The following CLDN16 variants were observed in gnomAD, a reference collection of about 807,000 sequenced individuals.
CLDN16 encodes the protein claudin-16.
Under a neutral mutation model 24.6 loss-of-function variants are expected in CLDN16, and 13 were observed. The ratio of observed to expected loss-of-function variants is 0.53; its 90% CI spans 0.34 to 0.84. CLDN16 has a LOEUF of 0.84. Ranked by LOEUF, CLDN16 falls within the 40% of genes least tolerant of loss-of-function variation. CLDN16 has a pLI of 0.01. For synonymous variants in CLDN16, 116 were observed against 106.7 expected, an observed-to-expected ratio of 1.09 and a Z score of -0.54; for missense variants, 298 against 292.7, an observed-to-expected ratio of 1.02 and a Z score of -0.13.
chr3:190,405,453 TA>T, intron 3 of CLDN16, among the ~76,000 whole-genome samples: 1 of 117,888 alleles, frequency 8.5e-6, no homozygotes, highest in Non-Finnish European at 1.8e-5. Context: ...AAAAAGGAAA[TA>T]AAGAAAAAAA....
At chr3:190,383,808 G>A (rs1289275998), upstream of CLDN16, among the ~76,000 whole-genome samples, 2 of 152,054 alleles carry the variant, frequency 1.3e-5, no homozygotes, top group African/African-American at 4.8e-5. Flanking sequence ...ACATACATGT[G>A]TGTACACACA....
intron 3 of CLDN16, among the ~76,000 whole-genome samples, chr3:190,408,004 T>C (rs1719148979): frequency 6.6e-6 from 1 of 152,226 alleles, no homozygotes; most frequent in Non-Finnish European, 1.5e-5. Context: ...AATACTAACA[T>C]GGCATTGGAA....
At chr3:190,384,010 G>A (rs1398893786), upstream of CLDN16, among the ~76,000 whole-genome samples, 1 of 152,092 alleles carries the variant, frequency 6.6e-6, no homozygotes, top group Non-Finnish European at 1.5e-5. Context: ...CAAGAAGGCA[G>A]CCTCAGAAAT....
At chr3:190,333,534 CTATCTATCTAT>C (rs1717228205) in intron 1 of CLDN16, among the ~76,000 whole-genome samples, 14 of 16,496 alleles carry the variant, frequency 8.5e-4, no homozygotes, top group African/African-American at 2.7e-3. Flanking sequence ...AGTCTATCAT[CTATCTATCTAT>C]CTATCTATCT....
chr3:190,379,030 T>G (rs115125153), intron 3 of CLDN16, among the ~76,000 whole-genome samples: 1,744 of 152,214 alleles, frequency 0.011, 30 homozygotes, highest in African/African-American at 0.04. Context: ...CTTCAAAAAC[T>G]GGGCTATAGA....
chr3:190,409,405 A>G (rs1449776366), intron 4 of CLDN16, among the ~76,000 whole-genome samples: 1 of 151,892 alleles, frequency 6.6e-6, no homozygotes, highest in East Asian at 1.9e-4. Flanking sequence ...ATATGTAGAT[A>G]TACATATAAT....
chr3:190,410,393 G>C lies in CLDN16; in HGVS notation c.*357G>C, dbSNP rs1483222776. The C allele has an allele frequency of 1.1e-5, 2 of 188,568 alleles. No individual in the cohort carries two copies. The highest frequency in any genetic ancestry group is 2.2e-5 in the Non-Finnish European group (2 of 90,690). 11.7% of individuals were successfully genotyped at this position (188,568 alleles called of 1,614,324 possible). A position where few individuals can be genotyped will look rare whatever the true frequency, so the allele number is the denominator to read the frequency against. ...CAGAAAGCAATTTCCAAAGAGGCCAGGGACCCTAATCTTTGAAGAGATGAA... is the reference window on the plus strand; with the variant it reads ...CAGAAAGCAATTTCCAAAGAGGCCACGGACCCTAATCTTTGAAGAGATGAA... On this transcript the variant is annotated 3_prime_UTR_variant, in exon 5 of 5. Transcript: ENST00000264734.
chr3:190,368,345 G>A lies in CLDN16; in HGVS notation n.122-2548G>A, dbSNP rs9809656. On this transcript the variant is annotated intron_variant and non_coding_transcript_variant, in intron 1 of 4. Transcript: ENST00000468220. ...ACAGAGGTCCGCCAACAATGATGGAGTAGAATCAATTCTTTCCCCCATTGT... is the reference window on the plus strand; with the variant it reads ...ACAGAGGTCCGCCAACAATGATGGAATAGAATCAATTCTTTCCCCCATTGT... 2.7e-3 allele frequency among the ~76,000 whole-genome samples: 410 copies of A among 152,050 alleles called. 3 individuals are homozygous for A. Among genetic ancestry groups the A allele is most frequent in the African/African-American group, 9.7e-3 (402 of 41,510 alleles).
At chr3:190,355,755 G>A (rs1386252846) in intron 1 of CLDN16, among the ~76,000 whole-genome samples, 1 of 151,732 alleles carries the variant, frequency 6.6e-6, no homozygotes, top group Non-Finnish European at 1.5e-5. Context: ...TATGCACATA[G>A]CCAATGCCAG....
At chr3:190,360,284 T>A (rs1012219511) in intron 1 of CLDN16, among the ~76,000 whole-genome samples, 6 of 151,948 alleles carry the variant, frequency 3.9e-5, no homozygotes, top group Non-Finnish European at 8.8e-5. Context: ...TCAGCCCCAG[T>A]CCTTCTTTTA....
upstream of CLDN16, among the ~76,000 whole-genome samples, chr3:190,386,316 G>A (rs921005303): frequency 1.3e-5 from 2 of 152,094 alleles, no homozygotes; most frequent in Non-Finnish European, 2.9e-5. Flanking sequence ...TAAAATAAAA[G>A]CATCTGTAAT....
Position 190,410,117 on chromosome 3 carries a change from A to T in CLDN16, c.*81A>T, listed in dbSNP as rs1719237845. 2.1e-6 allele frequency: 3 copies of T among 1,461,964 alleles called. No individual in the cohort carries two copies. Among genetic ancestry groups the T allele is most frequent in the Admixed American group, 3.3e-5 (2 of 59,704 alleles). 90.6% of individuals were successfully genotyped at this position (1,461,964 alleles called of 1,614,324 possible). A position where few individuals can be genotyped will look rare whatever the true frequency, so the allele number is the denominator to read the frequency against. ...TGATAAAATAGTAAGTCAATCCAGG[A>T]ACAGTTATTTAGAATTCATATTGAA... is the stretch of plus-strand genomic sequence containing the variant. On this transcript the variant is annotated 3_prime_UTR_variant, in exon 5 of 5. Transcript: ENST00000264734.
chr3:190,388,454 A>G lies in CLDN16; in HGVS notation c.114+11A>G, dbSNP rs1718566799. On this transcript the variant is annotated intron_variant, in intron 1 of 4. Transcript: ENST00000264734. ...GATGACTCTCTGGAGGTAAGAAGAT[A>G]GCAGCTTCTTTTCATGATCCAGGCC... 6.2e-7 allele frequency: 1 copy of G among 1,611,904 alleles called. No individual in the cohort carries two copies. The highest frequency in any genetic ancestry group is 8.5e-7 in the Non-Finnish European group (1 of 1,178,062).
the CLDN16 span, among the ~76,000 whole-genome samples, chr3:190,310,481 T>C: frequency 2.0e-5 from 3 of 152,214 alleles, no homozygotes; most frequent in South Asian, 4.1e-4. Flanking sequence ...TACTTTTTTA[T>C]GATATCTTGG....
intron 1 of CLDN16, among the ~76,000 whole-genome samples, chr3:190,333,200 C>T (rs921102010): frequency 6.6e-6 from 1 of 152,050 alleles, no homozygotes; most frequent in Non-Finnish European, 1.5e-5. Flanking sequence ...GGAATTTTCT[C>T]AATAAAATTA....
At chr3:190,406,520 T>C (rs965312862) in intron 3 of CLDN16, among the ~76,000 whole-genome samples, 2 of 152,074 alleles carry the variant, frequency 1.3e-5, no homozygotes, top group African/African-American at 2.4e-5. Context: ...AAAATCCTGA[T>C]AGGAATGACT....
the CLDN16 span, among the ~76,000 whole-genome samples, chr3:190,294,044 T>C: frequency 2.0e-5 from 3 of 152,212 alleles, no homozygotes; most frequent in Admixed American, 2.0e-4. Context: ...GGTTGAAAAG[T>C]CTTGACAGAA....
At chr3:190,335,795 A>C (rs1717291008) in intron 1 of CLDN16, among the ~76,000 whole-genome samples, 1 of 151,694 alleles carries the variant, frequency 6.6e-6, no homozygotes, top group African/African-American at 2.4e-5. Context: ...TCAGACACTG[A>C]TTCTAGAGAA....
At chr3:190,402,284 A>G (rs1718981721) in intron 1 of CLDN16, 53 bp from the exon 2 acceptor site, 1 of 1,350,784 alleles carries the variant, frequency 7.4e-7, no homozygotes, top group East Asian at 2.3e-5. Flanking sequence ...ATCAAGGGGA[A>G]CTGAACTGTG....
Sources: allele counts gnomAD v4.1 joint callset (sites outside exome capture counted in the v4.1 genomes callset), GRCh38; gene constraint gnomAD v4.1.1; transcripts MANE v1.5; gene names NCBI Gene and HGNC (gene_info 2026-07-23, HGNC 2026-07-21).